Variants in USP49 observed in about 807,000 individuals in gnomAD.
The protein encoded by USP49 is ubiquitin specific peptidase 49, also known as ubiquitin carboxyl-terminal hydrolase 49.
Under a neutral mutation model 58.6 loss-of-function variants are expected in USP49, and 24 were observed. The observed-to-expected ratio is 0.41, with a 90% confidence interval of 0.30 to 0.58. USP49 has a LOEUF of 0.58. Among genes scored for constraint, USP49 ranks in the 20% least tolerant of loss-of-function variants. The probability of loss-of-function intolerance (pLI) is 0.30; values close to 1 mark genes in which losing one functional copy is unlikely to be tolerated. For missense variants in USP49, 703 were observed against 866.1 expected (o/e 0.81, Z 2.36); for synonymous variants, 408 against 365.1 (o/e 1.12, Z -1.34).
intron 6 of USP49, 79 bp downstream of exon 6, chr6:41,799,751 G>A: frequency 2.4e-6 from 3 of 1,257,642 alleles, no homozygotes; most frequent in South Asian, 1.2e-5. Flanking sequence ...CACCATAGAA[G>A]ACATTTGCCC....
intron 5 of USP49, among the ~76,000 whole-genome samples, chr6:41,800,864 T>C (rs1772984955): frequency 1.3e-5 from 2 of 152,268 alleles, no homozygotes; most frequent in South Asian, 4.1e-4. Context: ...TTTTATGCTG[T>C]GCGTAGTTTT....
At chr6:41,875,952 G>A (rs376979977) in intron 2 of USP49, among the ~76,000 whole-genome samples, 1 of 152,006 alleles carries the variant, frequency 6.6e-6, no homozygotes, top group Non-Finnish European at 1.5e-5. Context: ...GGCTGGTCTC[G>A]AACTCCTGAC....
At chr6:41,837,129 CAA>C (rs1561913657) in intron 3 of USP49, among the ~76,000 whole-genome samples, 1 of 151,922 alleles carries the variant, frequency 6.6e-6, no homozygotes, top group Non-Finnish European at 1.5e-5. Flanking sequence ...CATATGGAAC[CAA>C]AAAAGAGCCT....
chr6:41,832,214 T>C (rs939632790), intron 3 of USP49, among the ~76,000 whole-genome samples: 1 of 152,242 alleles, frequency 6.6e-6, no homozygotes, highest in African/African-American at 2.4e-5. Context: ...TCATGTTACC[T>C]GATAGTCTTG....
chr6:41,808,334 C>A lies in USP49; in HGVS notation c.-28-1323G>T, dbSNP rs540272966. ...TAAGCATGTTTTTTTTTCCCCCTCCCAATAATGCTTCTTCAATTCAATAAT... is the reference window on the plus strand; with the variant it reads ...TAAGCATGTTTTTTTTTCCCCCTCCAAATAATGCTTCTTCAATTCAATAAT... On this transcript the variant is annotated intron_variant, in intron 3 of 7. Transcript: ENST00000682992. 9.2e-4 allele frequency among the ~76,000 whole-genome samples: 139 copies of A among 151,740 alleles called. 2 individuals are homozygous for A. In the Middle Eastern group the frequency reaches 0.028, roughly 31 times the overall value.
chr6:41,809,145 C>G (rs1773198157), intron 3 of USP49, among the ~76,000 whole-genome samples: 2 of 151,050 alleles, frequency 1.3e-5, no homozygotes, highest in South Asian at 4.2e-4. Flanking sequence ...CTTCTGGGCA[C>G]AGTGATCCTC....
At chr6:41,799,189 C>A (rs911313837) in intron 6 of USP49, among the ~76,000 whole-genome samples, 35 of 151,690 alleles carry the variant, frequency 2.3e-4, no homozygotes, top group African/African-American at 8.2e-4. Flanking sequence ...ACTGCAGCTT[C>A]AACCTTCCCG....
chr6:41,877,251 G>C (rs1774518775), intron 2 of USP49, among the ~76,000 whole-genome samples: 1 of 152,136 alleles, frequency 6.6e-6, no homozygotes, highest in Non-Finnish European at 1.5e-5. Flanking sequence ...GAAATACAAA[G>C]GGTAGCAGGA....
chr6:41,805,390 G>C (rs182938031), intron 4 of USP49, among the ~76,000 whole-genome samples: 30 of 152,246 alleles, frequency 2.0e-4, no homozygotes, highest in Admixed American at 1.8e-3. Flanking sequence ...GATATTCACT[G>C]AAAATTAAGC....
intron 2 of USP49, among the ~76,000 whole-genome samples, chr6:41,883,986 C>T (rs879434451): frequency 1.3e-5 from 2 of 151,892 alleles, no homozygotes; most frequent in Non-Finnish European, 2.9e-5. Context: ...TGCTGCAGCT[C>T]GAAGCAGTTA....
At chr6:41,802,433 TTTATTTATTTATTTA>T (rs1157679290) in intron 5 of USP49, among the ~76,000 whole-genome samples, 3 of 56,050 alleles carry the variant, frequency 5.4e-5, no homozygotes, top group Admixed American at 2.1e-4. Flanking sequence ...TTTTATTTTA[TTTATTTATTTATTTA>T]TTTATTTATT....
In USP49 at chr6:41,792,332, T is replaced by C. The variant is rs1391328288; in HGVS notation, c.*4201A>G. 2.0e-5 allele frequency: 3 copies of C among 152,208 alleles called. No homozygotes were observed. Among genetic ancestry groups the C allele is most frequent in the African/African-American group, 7.2e-5 (3 of 41,428 alleles). The allele number at this position is 152,208 out of a possible 1,614,324, so 9.4% of individuals were successfully genotyped here. A position where few individuals can be genotyped will look rare whatever the true frequency, so the allele number is the denominator to read the frequency against. ...TTTTGCAAAAGAACATCAGAACCAATGAAGGTACCATTTCAGGAGGAATCA... is the reference window on the plus strand; with the variant it reads ...TTTTGCAAAAGAACATCAGAACCAACGAAGGTACCATTTCAGGAGGAATCA... On this transcript the variant is annotated 3_prime_UTR_variant, in exon 8 of 8. Coordinates refer to ENST00000682992, the MANE Select transcript of USP49 (RefSeq NM_001286554.2).
At chr6:41,826,723 G>C (rs1387864509) in intron 3 of USP49, among the ~76,000 whole-genome samples, 1 of 152,176 alleles carries the variant, frequency 6.6e-6, no homozygotes, top group Non-Finnish European at 1.5e-5. Flanking sequence ...TGACTGCAGA[G>C]TTCTGGGGCC....
chr6:41,890,357 C>T (rs917809204), intron 2 of USP49, among the ~76,000 whole-genome samples: 9 of 146,100 alleles, frequency 6.2e-5, no homozygotes, highest in Non-Finnish European at 3.0e-5. Context: ...CCAGCCTAAG[C>T]TACAGAGCAG....
intron 3 of USP49, among the ~76,000 whole-genome samples, chr6:41,854,100 T>C (rs1192876479): frequency 1.3e-5 from 2 of 150,668 alleles, no homozygotes; most frequent in East Asian, 3.9e-4. Context: ...GTGGATCACC[T>C]GAGGTCAGGA....
intron 2 of USP49, chr6:41,873,086 G>C (rs1774443210): frequency 6.6e-6 from 1 of 152,234 alleles, no homozygotes; most frequent in African/African-American, 2.4e-5. Flanking sequence ...TCGCTGAAAG[G>C]AATGGGGAGA....
At chr6:41,883,527 A>G (rs910047869) in intron 2 of USP49, among the ~76,000 whole-genome samples, 31 of 152,044 alleles carry the variant, frequency 2.0e-4, no homozygotes, top group African/African-American at 6.5e-4. Flanking sequence ...ACACGCCTGT[A>G]ATCCCAGCTA....
At chr6:41,830,906 G>A (rs548659577) in intron 3 of USP49, among the ~76,000 whole-genome samples, 1 of 152,178 alleles carries the variant, frequency 6.6e-6, no homozygotes, top group African/African-American at 2.4e-5. Context: ...GGTGCTACCT[G>A]TACAGGCTGA....
intron 2 of USP49, among the ~76,000 whole-genome samples, chr6:41,875,609 G>A (rs1774489415): frequency 6.6e-6 from 1 of 152,090 alleles, no homozygotes; most frequent in African/African-American, 2.4e-5. Flanking sequence ...TAAGGCACTA[G>A]CACACTATCC....
Sources: gnomAD v4.1 joint callset for allele counts (sites outside exome capture counted in the v4.1 genomes callset) on GRCh38, gnomAD v4.1.1 for gene constraint, MANE v1.5 for transcripts, NCBI Gene and HGNC (gene_info 2026-07-23, HGNC 2026-07-21) for gene names.